Variants in TASOR2 observed in about 807,000 individuals in gnomAD.
TASOR2 encodes the protein transcription activation suppressor family member 2.
TASOR2 carries 84 observed loss-of-function variants against 199.5 expected under a neutral mutation model. The observed-to-expected ratio is 0.42, with a 90% confidence interval of 0.35 to 0.50. The LOEUF (loss-of-function observed/expected upper bound fraction) is 0.50. Among genes scored for constraint, TASOR2 ranks in the 20% least tolerant of loss-of-function variants. The pLI is 0.02. For missense variants in TASOR2, 2,796 were observed against 2,835.9 expected, an observed-to-expected ratio of 0.99 and a Z score of 0.32; for synonymous variants, 1,103 against 1,046.6, an observed-to-expected ratio of 1.05 and a Z score of -1.04.
intron 1 of TASOR2, among the ~76,000 whole-genome samples, chr10:5,688,375 C>G (rs1019288066): frequency 8.0e-5 from 12 of 150,506 alleles, no homozygotes; most frequent in Non-Finnish European, 1.6e-4. Context: ...GCACACACCA[C>G]CAGGCCCAGC....
intron 1 of TASOR2, among the ~76,000 whole-genome samples, chr10:5,686,418 A>G (rs1957415298): frequency 6.6e-6 from 1 of 152,226 alleles, no homozygotes; most frequent in Admixed American, 6.5e-5. Flanking sequence ...GCATGTATTT[A>G]TCAAGTGAAT....
Position 5,742,583 on chromosome 10 carries a change from T to C in TASOR2, c.2757+57T>C. ...CATTATTTTTGAAGAAAAAAATGTT[T>C]ATATGTAAAATCACATTCAAAACAA... On this transcript the variant is annotated intron_variant, in intron 14 of 20. Coordinates refer to ENST00000328090, the Ensembl canonical transcript of TASOR2. This position sits in a 1 kb window ranked among gnomAD's most constrained non-coding sequence, Gnocchi z 4.2. 1.3e-6 allele frequency: 2 copies of C among 1,494,986 alleles called. No homozygotes were observed. The highest frequency in any genetic ancestry group is 2.3e-5 in the East Asian group (1 of 44,190). The allele number at this position is 1,494,986 out of a possible 1,614,324, so 92.6% of individuals were successfully genotyped here.
At chr10:5,691,186 T>C (rs2131490330) in intron 1 of TASOR2, among the ~76,000 whole-genome samples, 1 of 132,304 alleles carries the variant, frequency 7.6e-6, no homozygotes, top group East Asian at 2.2e-4. Context: ...TGAGACTCCG[T>C]CTCAAAAAAA....
At chr10:5,694,580 A>T (rs576753146) in intron 1 of TASOR2, among the ~76,000 whole-genome samples, 1 of 152,220 alleles carries the variant, frequency 6.6e-6, no homozygotes, top group Non-Finnish European at 1.5e-5. Context: ...TATTACACAT[A>T]TACTTCTTTT....
chr10:5,758,527 A>G (rs937638717), intron 17 of TASOR2, among the ~76,000 whole-genome samples: 43 of 152,146 alleles, frequency 2.8e-4, no homozygotes, highest in African/African-American at 9.6e-4. Flanking sequence ...GACAGCCGAA[A>G]CCCTGTCTCA....
chr10:5,688,758 G>C (rs1190379823), intron 1 of TASOR2, among the ~76,000 whole-genome samples: 1 of 151,912 alleles, frequency 6.6e-6, no homozygotes, highest in African/African-American at 2.4e-5. Flanking sequence ...TGTGATGCTA[G>C]CACTTTGGGA....
At chr10:5,707,091 G>T (rs1335173289) in intron 1 of TASOR2, among the ~76,000 whole-genome samples, 1 of 151,960 alleles carries the variant, frequency 6.6e-6, no homozygotes, top group South Asian at 2.1e-4. Context: ...CTAGGATAAC[G>T]TCTCTATCCA....
Position 5,711,679 on chromosome 10 carries a change from G to A in TASOR2, c.-287-1144G>A, listed in dbSNP as rs73610579. 4.3e-3 allele frequency among the ~76,000 whole-genome samples: 656 copies of A among 152,222 alleles called. 3 individuals carry two copies. Among genetic ancestry groups the A allele is most frequent in the African/African-American group, 0.015 (628 of 41,554 alleles). The stretch of plus-strand genomic sequence containing the variant: ...GATCCAGTCGGTAATTCTCAATTAG[G>A]AAACGTGCCTCTCATGGGAAGGGTG... On this transcript the variant is annotated intron_variant, in intron 1 of 20. Transcript: ENST00000328090.
intron 1 of TASOR2, among the ~76,000 whole-genome samples, chr10:5,707,022 A>T (rs1838718762): frequency 6.6e-6 from 1 of 151,464 alleles, no homozygotes; most frequent in South Asian, 2.1e-4. Flanking sequence ...AAAAGTAAGC[A>T]CCCAACAAAT....
chr10:5,732,309 C>T (rs946333668), intron 11 of TASOR2, among the ~76,000 whole-genome samples: 7 of 152,248 alleles, frequency 4.6e-5, no homozygotes, highest in African/African-American at 9.6e-5. Flanking sequence ...AGGGGCCACT[C>T]GGTTGTGCCT....
At chr10:5,709,217 A>C (rs1337145656) in intron 1 of TASOR2, among the ~76,000 whole-genome samples, 1 of 152,198 alleles carries the variant, frequency 6.6e-6, no homozygotes, top group Non-Finnish European at 1.5e-5. Context: ...TAGTGGAATA[A>C]AGATGTGGTT....
chr10:5,697,505 A>G (rs997118552), intron 1 of TASOR2, among the ~76,000 whole-genome samples: 2 of 152,214 alleles, frequency 1.3e-5, no homozygotes, highest in Non-Finnish European at 2.9e-5. Context: ...AGAAAGCAGA[A>G]TGAGAAAGTG....
chr10:5,685,084 C>A lies in TASOR2; in HGVS notation c.-379C>A, dbSNP rs1265228201. On this transcript the variant is annotated 5_prime_UTR_variant, in exon 1 of 21. Coordinates refer to ENST00000328090, the Ensembl canonical transcript of TASOR2. This position sits in a 1 kb window ranked among gnomAD's most constrained non-coding sequence, Gnocchi z 5.4. Reference sequence around the variant, plus strand: ...CACGTGCGCCGGTGTCGCGAGGGCCCGGGAGGACGCAGAGCACGGCCGGGA... The same window carrying A: ...CACGTGCGCCGGTGTCGCGAGGGCCAGGGAGGACGCAGAGCACGGCCGGGA... 5.0e-6 allele frequency: 2 copies of A among 397,982 alleles called. No homozygotes were observed. The highest frequency in any genetic ancestry group is 8.9e-6 in the Non-Finnish European group (2 of 225,672). 24.7% of individuals were successfully genotyped at this position (397,982 alleles called of 1,614,324 possible).
exon 15 of TASOR2, chr10:5,749,461 T>C (rs1315443139): frequency 6.2e-7 from 1 of 1,614,128 alleles, no homozygotes; most frequent in Non-Finnish European, 8.5e-7. Flanking sequence ...AACCCAGATC[T>C]CCATTGGTGC....
intron 1 of TASOR2, among the ~76,000 whole-genome samples, chr10:5,711,929 G>A (rs10752075): frequency 0.99 from 151,311 of 152,124 alleles, 75,257 homozygotes; most frequent in East Asian, 1. Context: ...CCTTAAAAGG[G>A]ACCTAGCTGA....
rs994376325 is a variant in TASOR2, at chr10:5,685,066, G to C, written c.-397G>C. 1 of 397,988 alleles carries C rather than the reference G, an allele frequency of 2.5e-6. No individual in the cohort carries two copies. Among genetic ancestry groups the C allele is most frequent in the African/African-American group, 2.1e-5 (1 of 48,614 alleles). 24.7% of individuals were successfully genotyped at this position (397,988 alleles called of 1,614,324 possible). On this transcript the variant is annotated 5_prime_UTR_variant, in exon 1 of 21. Transcript: ENST00000328090. This position sits in a 1 kb window ranked among gnomAD's most constrained non-coding sequence, Gnocchi z 5.4. ...CCGGCGACTGGTGCTTCCCACGTGCGCCGGTGTCGCGAGGGCCCGGGAGGA... is the reference window on the plus strand; with the variant it reads ...CCGGCGACTGGTGCTTCCCACGTGCCCCGGTGTCGCGAGGGCCCGGGAGGA...
intron 8 of TASOR2, among the ~76,000 whole-genome samples, chr10:5,726,465 C>T (rs1035834069): frequency 2.0e-5 from 3 of 152,114 alleles, no homozygotes; most frequent in Non-Finnish European, 4.4e-5. Context: ...TTTTTAGATT[C>T]AGCGTTTTGG....
At chr10:5,736,373 G>C (rs570680898) in intron 12 of TASOR2, among the ~76,000 whole-genome samples, 1 of 151,808 alleles carries the variant, frequency 6.6e-6, no homozygotes, top group Non-Finnish European at 1.5e-5. Context: ...AGCCGAGATC[G>C]CGCCACTGCA....
At chr10:5,763,599 A>T (rs577541863) in exon 21 of TASOR2, 1 of 152,158 alleles carries the variant, frequency 6.6e-6, no homozygotes, top group East Asian at 1.9e-4. Context: ...AGAAATAATC[A>T]TTTATTTATG....
Sources: gnomAD v4.1 joint callset for allele counts (sites outside exome capture counted in the v4.1 genomes callset) on GRCh38, gnomAD v4.1.1 for gene constraint, Gnocchi (gnomAD v3.1) non-coding constraint, MANE v1.5 for transcripts, NCBI Gene and HGNC (gene_info 2026-07-23, HGNC 2026-07-21) for gene names.